The following TAF6 variants were observed in gnomAD, a reference collection of about 807,000 sequenced individuals.
TAF6 encodes the protein TATA-box binding protein associated factor 6.
Under a neutral mutation model 73.5 loss-of-function variants are expected in TAF6, and 50 were observed. The ratio of observed to expected loss-of-function variants is 0.68; its 90% CI spans 0.54 to 0.86. TAF6 has a LOEUF of 0.86. TAF6 is among the 40% of genes least tolerant of loss of function. TAF6 has a pLI of 0.00. For synonymous variants in TAF6, 424 were observed against 376.7 expected (o/e 1.13, Z -1.45); for missense variants, 768 against 899.5 (o/e 0.85, Z 1.87).
chr7:100,122,895 C>T (rs1240333636), upstream of TAF6: 1 of 1,612,718 alleles, frequency 6.2e-7, no homozygotes, highest in South Asian at 1.1e-5. Context: ...GGTCACATAC[C>T]TCAAGAAGCA....
At chr7:100,110,995 A>T (rs1310765536) in intron 10 of TAF6, 144 bp downstream of exon 10, 11 of 742,822 alleles carry the variant, frequency 1.5e-5, no homozygotes, top group Non-Finnish European at 2.1e-5. Flanking sequence ...AAAAAAAAAA[A>T]GGTATTACAG....
Position 100,107,097 on chromosome 7 carries a change from C to T in TAF6, c.*149G>A, listed in dbSNP as rs557433136. On this transcript the variant is annotated 3_prime_UTR_variant, in exon 15 of 15. Transcript: ENST00000453269. ...AGAACTTACAAACCAAACTTTTATTCTGAGAAACTGGCTGTACAATATCTA... is the reference window on the plus strand; with the variant it reads ...AGAACTTACAAACCAAACTTTTATTTTGAGAAACTGGCTGTACAATATCTA... 148 of 1,315,032 alleles carry T rather than the reference C, an allele frequency of 1.1e-4. 1 individual carries two copies. The East Asian group carries it at 3.3e-3, about 29-fold the overall frequency. The allele number at this position is 1,315,032 out of a possible 1,614,324, so 81.5% of individuals were successfully genotyped here.
the TAF6 span, chr7:100,127,143 G>A: frequency 7.8e-6 from 4 of 511,838 alleles, no homozygotes; most frequent in East Asian, 3.6e-5. This position sits in a 1 kb window ranked among gnomAD's most constrained non-coding sequence, Gnocchi z 4.6. Context: ...CGTACGTACC[G>A]CGAACGGAAT....
At position 100,113,897 on chromosome 7, in the gene TAF6, C is replaced by G; in HGVS notation, c.214G>C (p.Asp72His). 1.9e-6 allele frequency: 3 copies of G among 1,613,792 alleles called. No homozygotes were observed. The highest frequency in any genetic ancestry group is 2.5e-6 in the Non-Finnish European group (3 of 1,179,990). ...KRQKLTTSDIDYALKLKNVEP... is the reference protein window; with the variant it reads ...KRQKLTTSDIHYALKLKNVEP... ...ACATTCTTTAGCTTCAAGGCGTAGT[C>G]AATGTCACTGGTGGTGAGCTTCTGC... Residue 72 changes from aspartate (D) to histidine (H), a missense_variant, in exon 3 of 15, where the codon GAC becomes CAC. Coordinates refer to ENST00000453269, the MANE Select transcript of TAF6 (RefSeq NM_139315.3).
At chr7:100,120,158 A>G, upstream of TAF6, 1 of 286,394 alleles carries the variant, frequency 3.5e-6, no homozygotes, top group Non-Finnish European at 6.6e-6. Context: ...CTTTTAGAGC[A>G]TCTTCAGTGA....
At chr7:100,126,086 T>C in the TAF6 span, among the ~76,000 whole-genome samples, 1 of 152,050 alleles carries the variant, frequency 6.6e-6, no homozygotes, top group East Asian at 1.9e-4. Context: ...CTCGGGAGGC[T>C]GAGGCAGAAG....
chr7:100,122,571 T>C, upstream of TAF6: 5 of 1,607,670 alleles, frequency 3.1e-6, no homozygotes, highest in East Asian at 2.2e-5. Flanking sequence ...CACTGAGATA[T>C]GCCAAGGTCA....
chr7:100,107,712 G>C (rs1036860983), intron 14 of TAF6, 89 bp from the exon 15 acceptor site: 14 of 1,531,698 alleles, frequency 9.1e-6, no homozygotes, highest in Non-Finnish European at 1.2e-5. Flanking sequence ...CTCCCTGCCT[G>C]AACAAGTTGT....
rs763336315 is a variant in TAF6, at chr7:100,110,182, T to C, written c.1158+18A>G. 3 of 1,614,020 alleles carry C rather than the reference T, an allele frequency of 1.9e-6. No homozygotes were observed. Among genetic ancestry groups the C allele is most frequent in the Non-Finnish European group, 2.5e-6 (3 of 1,180,002 alleles). On this transcript the variant is annotated intron_variant, in intron 11 of 14. Coordinates refer to ENST00000453269, the MANE Select transcript of TAF6 (RefSeq NM_139315.3). ...TGACTGTGTCCCCTCCCCCATTTCT[T>C]CCTCCCAGAGGCCTAACATCGTGTC...
Position 100,108,450 on chromosome 7 carries a change from G to GGAGGGGCCC in TAF6, c.1366_1374dup (p.Gly456_Leu458dup). 1 of 1,614,068 alleles carries GGAGGGGCCC rather than the reference G, an allele frequency of 6.2e-7. No individual in the cohort carries two copies. Among genetic ancestry groups the GGAGGGGCCC allele is most frequent in the African/African-American group, 1.3e-5 (1 of 75,056 alleles). On this transcript the variant is annotated inframe_insertion, in exon 13 of 15. Coordinates refer to ENST00000453269, the MANE Select transcript of TAF6 (RefSeq NM_139315.3). ...CGAGCCTTGACCACCTGGGAGCAGA[G>GGAGGGGCCC]GAGGGGCCCAAGGGACCCGAATTCT...
In TAF6 at chr7:100,107,598, G is replaced by A; in HGVS notation, c.1682C>T (p.Pro561Leu). 1.2e-6 allele frequency: 2 copies of A among 1,613,468 alleles called. No individual in the cohort carries two copies. Among genetic ancestry groups the A allele is most frequent in the Non-Finnish European group, 1.7e-6 (2 of 1,179,836 alleles). ...QQVLSLSTSA[P>L]GSGSTTTSPV... ...CGAAGTGGTGGTGGAACCTGAGCCG[G>A]GGGCCGAGGTGCTGAGGGACAGGAC... is the stretch of plus-strand genomic sequence containing the variant. The change falls in exon 15 of 15, where the codon CCC becomes CTC. Residue 561 changes from proline (P) to leucine (L), a missense_variant. Around this residue, in one of 5 missense-constraint regions of TAF6, gnomAD observed 350 missense variants for 352.3 expected, o/e 0.99. Coordinates refer to ENST00000453269, the MANE Select transcript of TAF6 (RefSeq NM_139315.3).
At chr7:100,119,568 G>T, upstream of TAF6, 1 of 1,424,564 alleles carries the variant, frequency 7.0e-7, no homozygotes, top group Non-Finnish European at 9.4e-7. Context: ...GCCACAAAAC[G>T]GAGGCAGGGA....
intron 12 of TAF6, chr7:100,108,829 G>A: frequency 3.6e-6 from 1 of 277,672 alleles, no homozygotes; most frequent in South Asian, 9.3e-5. Context: ...GAGGTCAAGA[G>A]CCTGGCCAAA....
At position 100,114,162 on chromosome 7, in the gene TAF6, C is replaced by A. The variant is rs769194104; in HGVS notation, c.48G>T (p.Ser16=). ...ATTCAGCCACCACCTTCATGGACTC[C>A]GAGGGCAGCACAGTGTTGCTAAGCT... The part of the protein sequence containing the change: ...KLKLSNTVLP[S]ESMKVVAESM... Residue 16 remains serine (S), a synonymous_variant, in exon 2 of 15, where the codon TCG becomes TCT. Transcript: ENST00000453269. 2.5e-6 allele frequency: 4 copies of A among 1,614,124 alleles called. No individual in the cohort carries two copies. In the African/African-American group the frequency reaches 4.0e-5, roughly 16 times the overall value.
At chr7:100,119,437 C>G, upstream of TAF6, 2 of 1,256,942 alleles carry the variant, frequency 1.6e-6, no homozygotes, top group Non-Finnish European at 2.0e-6. Flanking sequence ...CCTCTAGGCT[C>G]GCAGAATGAA....
Position 100,113,741 on chromosome 7 carries a change from A to C in TAF6, c.272T>G (p.Phe91Cys). Residue 91 changes from phenylalanine (F) to cysteine (C), a missense_variant, in exon 4 of 15, where the codon TTC becomes TGC. This residue lies in a region of TAF6 where 269 missense variants were observed against 268.0 expected (regional missense o/e 1.00). Coordinates refer to ENST00000453269, the MANE Select transcript of TAF6 (RefSeq NM_139315.3). ...EPLYGFHAQE[F>C]IPFRFASGGG... is the part of the protein sequence containing the mutation. The stretch of plus-strand genomic sequence containing the variant: ...ACCAGAGGCGAAGCGGAAAGGAATG[A>C]ACTCCTGGGCGTGGAAGCCATAGAG... 1 of 1,613,978 alleles carries C rather than the reference A, an allele frequency of 6.2e-7. No homozygotes were observed. Among genetic ancestry groups the C allele is most frequent in the Non-Finnish European group, 8.5e-7 (1 of 1,179,972 alleles).
intron 14 of TAF6, 34 bp downstream of exon 14, chr7:100,107,892 C>G: frequency 1.3e-6 from 2 of 1,574,328 alleles, no homozygotes; most frequent in Non-Finnish European, 8.6e-7. Flanking sequence ...AACCCAGGCC[C>G]TCCAGATGCT....
chr7:100,112,004 G>A lies in TAF6; in HGVS notation c.721-5C>T. ...GGCAATGCTTTGCAGGGCTTCCTGT[G>A]GGAGGAGGGAAGCCAGTCAGGTGGG... On this transcript the variant is annotated splice_polypyrimidine_tract_variant and splice_region_variant and intron_variant, in intron 7 of 14. Coordinates refer to ENST00000453269, the MANE Select transcript of TAF6 (RefSeq NM_139315.3). The A allele has an allele frequency of 5.0e-6, 8 of 1,614,074 alleles. No individual in the cohort carries two copies. The highest frequency in any genetic ancestry group is 6.8e-6 in the Non-Finnish European group (8 of 1,179,984).
At chr7:100,108,641 TAAA>T in intron 12 of TAF6, 101 bp from the exon 13 acceptor site, 1 of 1,339,418 alleles carries the variant, frequency 7.5e-7, no homozygotes. Flanking sequence ...GGGGATGGGG[TAAA>T]AAAGGACATT....
Sources: allele counts gnomAD v4.1 joint callset (sites outside exome capture counted in the v4.1 genomes callset), GRCh38; gene constraint gnomAD v4.1.1; regional missense constraint gnomAD v4.1.1; non-coding constraint Gnocchi (gnomAD v3.1); transcripts MANE v1.5; gene names NCBI Gene and HGNC (gene_info 2026-07-23, HGNC 2026-07-21).